The following VSTM5 variants were observed in gnomAD, a reference collection of about 807,000 sequenced individuals.
The protein encoded by VSTM5 is V-set and transmembrane domain-containing protein 5.
In VSTM5, 21 loss-of-function variants were observed where a neutral mutation model predicts 20.3. The observed-to-expected ratio is 1.03, with a 90% CI of 0.73 to 1.49. The LOEUF (loss-of-function observed/expected upper bound fraction) is 1.49, where lower values mean the gene tolerates loss of function less well. Among genes scored for constraint, VSTM5 ranks in the 40% most tolerant of loss-of-function variants. The pLI, the probability that VSTM5 is intolerant of heterozygous loss-of-function variation, is 0.00. For missense variants in VSTM5, 219 were observed against 250.0 expected, an observed-to-expected ratio of 0.88 and a Z score of 0.84; for synonymous variants, 100 against 102.5, an observed-to-expected ratio of 0.98 and a Z score of 0.14.
chr11:93,827,644 T>C (rs1944249786), intron 1 of VSTM5: 1 of 152,042 alleles, frequency 6.6e-6, no homozygotes, highest in South Asian at 2.1e-4. Context: ...GGTAGTGAGT[T>C]ATCTCAACTG....
At position 93,821,189 on chromosome 11, in the gene VSTM5, G is replaced by A. The variant is rs140466933; in HGVS notation, c.226C>T (p.Gln76Ter). Reference sequence around the variant, plus strand: ...CCTGGTTTCCACTCCACGATCTTCTGCGTTCCCCAATTGGATGAATATGTC... The same window carrying A: ...CCTGGTTTCCACTCCACGATCTTCTACGTTCCCCAATTGGATGAATATGTC... ...EWTYSSNWGT[Q>*]KIVEWKPGTQ... Residue 76 changes from glutamine (Q) to a stop codon, truncating the protein, a stop_gained, in exon 2 of 4, where the codon CAG (glutamine) becomes TAG (stop). Coordinates refer to ENST00000409977, the MANE Select transcript of VSTM5 (RefSeq NM_001144871.2). LOFTEE classifies it high-confidence loss of function. 4.5e-6 allele frequency: 7 copies of A among 1,552,190 alleles called. No individual in the cohort carries two copies. Among genetic ancestry groups the A allele is most frequent in the Non-Finnish European group, 5.2e-6 (6 of 1,147,104 alleles).
chr11:93,844,236 G>A (rs1268000354), intron 1 of VSTM5, among the ~76,000 whole-genome samples: 2 of 152,218 alleles, frequency 1.3e-5, no homozygotes, highest in Non-Finnish European at 2.9e-5. Context: ...TGGTGGATGG[G>A]GAGAGGAGAG....
chr11:93,837,156 T>C (rs1161704848), intron 1 of VSTM5, among the ~76,000 whole-genome samples: 2 of 152,080 alleles, frequency 1.3e-5, no homozygotes, highest in Non-Finnish European at 2.9e-5. Context: ...CTCAGCCTCC[T>C]GAGTAGCTGA....
At chr11:93,846,713 A>C (rs1944413009) in intron 1 of VSTM5, among the ~76,000 whole-genome samples, 1 of 152,228 alleles carries the variant, frequency 6.6e-6, no homozygotes, top group Admixed American at 6.5e-5. Flanking sequence ...GTGTAAAACT[A>C]AGTTGCTGAA....
chr11:93,820,574 A>G lies in VSTM5; in HGVS notation c.598T>C (p.Cys200Arg), dbSNP rs1944172095. Residue 200 changes from cysteine to arginine, a missense_variant, in exon 4 of 4, where the codon TGT becomes CGT. Coordinates refer to ENST00000409977, the MANE Select transcript of VSTM5 (RefSeq NM_001144871.2). ...TEEIELEDVEC is the reference protein window; with the variant it reads ...TEEIELEDVER Reference sequence around the variant, plus strand: ...GCAGTCAGGCCCAGCCTTGGCTAACACTCAACATCTTCCAGCTCAATCTCC... The same window carrying G: ...GCAGTCAGGCCCAGCCTTGGCTAACGCTCAACATCTTCCAGCTCAATCTCC... The G allele has an allele frequency of 6.4e-7, 1 of 1,551,766 alleles. No individual in the cohort carries two copies. The highest frequency in any genetic ancestry group is 2.0e-5 in the Admixed American group (1 of 50,976).
intron 1 of VSTM5, among the ~76,000 whole-genome samples, chr11:93,844,836 C>G (rs1944401378): frequency 7.5e-6 from 1 of 132,570 alleles, no homozygotes. Context: ...GTGCAGGGCC[C>G]CGCTGCTACC....
intron 1 of VSTM5, among the ~76,000 whole-genome samples, chr11:93,827,309 G>A (rs1314175030): frequency 6.6e-6 from 1 of 152,234 alleles, no homozygotes; most frequent in African/African-American, 2.4e-5. Flanking sequence ...CTTGAACCCA[G>A]AAGGCGGACG....
At chr11:93,836,259 C>T (rs960267476) in intron 1 of VSTM5, among the ~76,000 whole-genome samples, 3 of 152,328 alleles carry the variant, frequency 2.0e-5, no homozygotes, top group Non-Finnish European at 2.9e-5. Context: ...GCTTAATCCC[C>T]GCTAACTTAC....
At position 93,849,878 on chromosome 11, in the gene VSTM5, A is replaced by T. The variant is rs936523728; in HGVS notation, c.91+534T>A. Among the ~76,000 whole-genome samples, 38 of 152,152 alleles carry T rather than the reference A, an allele frequency of 2.5e-4. 1 individual carries two copies. Among genetic ancestry groups the T allele is most frequent in the African/African-American group, 9.2e-4 (38 of 41,446 alleles). ...TGGGGACTTCAGGCCACAACGCCCA[A>T]CCCAAACCCCAGAACCGTTTTTCTC... On this transcript the variant is annotated intron_variant, in intron 1 of 3. Coordinates refer to ENST00000409977, the MANE Select transcript of VSTM5 (RefSeq NM_001144871.2).
intron 1 of VSTM5, among the ~76,000 whole-genome samples, chr11:93,842,899 C>T (rs1044585440): frequency 3.3e-5 from 5 of 152,116 alleles, no homozygotes; most frequent in South Asian, 2.1e-4. Flanking sequence ...GTCAGGAGTT[C>T]GAGACCAGCC....
At chr11:93,842,270 G>A (rs1022622506) in intron 1 of VSTM5, among the ~76,000 whole-genome samples, 8 of 152,180 alleles carry the variant, frequency 5.3e-5, no homozygotes, top group South Asian at 2.1e-4. Context: ...ATCTGAGACC[G>A]GGAGTGTTGG....
intron 1 of VSTM5, among the ~76,000 whole-genome samples, chr11:93,842,441 C>A (rs1944378105): frequency 2.0e-5 from 3 of 152,206 alleles, no homozygotes; most frequent in Admixed American, 6.5e-5. Flanking sequence ...TTCCAGGCAC[C>A]AACAAGAGCC....
At chr11:93,846,754 A>C (rs1208710896) in intron 1 of VSTM5, among the ~76,000 whole-genome samples, 1 of 139,118 alleles carries the variant, frequency 7.2e-6, no homozygotes, top group Non-Finnish European at 1.5e-5. Context: ...CATTTTTAAA[A>C]AATTTTTTTT....
chr11:93,820,484 A>G lies in VSTM5; in HGVS notation c.*85T>C. ...GGAGCGGGCTGCAACAGGACCACAC[A>G]CAATGGGTATAATAGCTGTGCTTGC... On this transcript the variant is annotated 3_prime_UTR_variant, in exon 4 of 4. Transcript: ENST00000409977. 1 of 1,458,584 alleles carries G rather than the reference A, an allele frequency of 6.9e-7. No individual in the cohort carries two copies. Among genetic ancestry groups the G allele is most frequent in the African/African-American group, 1.4e-5 (1 of 71,190 alleles). The allele number at this position is 1,458,584 out of a possible 1,614,324, so 90.4% of individuals were successfully genotyped here.
intron 1 of VSTM5, among the ~76,000 whole-genome samples, chr11:93,844,478 G>C (rs1196931251): frequency 1.3e-5 from 2 of 152,136 alleles, no homozygotes; most frequent in Non-Finnish European, 2.9e-5. Context: ...TTTCACCCAA[G>C]ATGCAAAGCC....
intron 1 of VSTM5, among the ~76,000 whole-genome samples, chr11:93,839,425 A>C (rs1322347932): frequency 1.3e-5 from 2 of 152,154 alleles, no homozygotes; most frequent in Non-Finnish European, 2.9e-5. Flanking sequence ...TTCCCTCTGA[A>C]TACACTTTCC....
rs566126851 is a variant in VSTM5, at chr11:93,848,129, G to A, written c.91+2283C>T. On this transcript the variant is annotated intron_variant, in intron 1 of 3. Transcript: ENST00000409977. ...GGACCCATACATTTGTAGGGGAAAGGTTTCAAAAGCAGGGTGTTTGGCATG... is the reference window on the plus strand; with the variant it reads ...GGACCCATACATTTGTAGGGGAAAGATTTCAAAAGCAGGGTGTTTGGCATG... 1.4e-4 allele frequency among the ~76,000 whole-genome samples: 21 copies of A among 152,284 alleles called. No homozygotes were observed. The East Asian group carries it at 3.5e-3, about 25-fold the overall frequency.
At position 93,820,996 on chromosome 11, in the gene VSTM5, C is replaced by T. The variant is rs746638263; in HGVS notation, c.418+1G>A. 18 of 1,551,348 alleles carry T rather than the reference C, an allele frequency of 1.2e-5. No homozygotes were observed. In the South Asian group the frequency reaches 1.8e-4, roughly 15 times the overall value. On this transcript the variant is annotated splice_donor_variant, in intron 2 of 3. Coordinates refer to ENST00000409977, the MANE Select transcript of VSTM5 (RefSeq NM_001144871.2). LOFTEE classifies it high-confidence loss of function. ...GTGCCCGGGGCCCTGGGATGTCTTACCAGAGACGTGCAGCACGATGGTGCC... is the reference window on the plus strand; with the variant it reads ...GTGCCCGGGGCCCTGGGATGTCTTATCAGAGACGTGCAGCACGATGGTGCC...
chr11:93,831,376 T>C (rs559872018), intron 1 of VSTM5, among the ~76,000 whole-genome samples: 1 of 152,318 alleles, frequency 6.6e-6, no homozygotes, highest in South Asian at 2.1e-4. Flanking sequence ...TTGAAACACC[T>C]GCCTGCCAGT....
Sources: allele counts gnomAD v4.1 joint callset (sites outside exome capture counted in the v4.1 genomes callset), GRCh38; gene constraint gnomAD v4.1.1; transcripts MANE v1.5; gene names NCBI Gene and HGNC (gene_info 2026-07-23, HGNC 2026-07-21).